Variants in ASPG observed in about 807,000 individuals in gnomAD.
ASPG encodes asparaginase, also known as 60 kDa lysophospholipase.
Under a neutral mutation model 63.2 loss-of-function variants are expected in ASPG, and 53 were observed. That is an observed-to-expected ratio of 0.84 (90% CI 0.67 to 1.05). The LOEUF (loss-of-function observed/expected upper bound fraction) is 1.05. ASPG is among the 50% of genes least tolerant of loss of function. The pLI, the probability that ASPG is intolerant of heterozygous loss-of-function variation, is 0.00. For missense variants in ASPG, 741 were observed against 794.4 expected (o/e 0.93, Z 0.81); for synonymous variants, 370 against 355.0 (o/e 1.04, Z -0.48).
At chr14:104,105,276 G>A in intron 9 of ASPG, 52 bp from the exon 10 acceptor site, 1 of 1,612,348 alleles carries the variant, frequency 6.2e-7, no homozygotes, top group Non-Finnish European at 8.5e-7. Flanking sequence ...GGCTGTCCTG[G>A]GCTGCCCATC....
At chr14:104,095,043 G>C (rs2036535474) in intron 3 of ASPG, among the ~76,000 whole-genome samples, 1 of 152,200 alleles carries the variant, frequency 6.6e-6, no homozygotes, top group Non-Finnish European at 1.5e-5. Flanking sequence ...CTGCCCTTCG[G>C]TGTCCTGCCC....
chr14:104,093,660 G>GTGGGGGGGGCTGGGGAATGC, intron 3 of ASPG, 58 bp downstream of exon 3: 1 of 894,048 alleles, frequency 1.1e-6, no homozygotes, highest in Admixed American at 4.5e-5. Context: ...GCTGAGGTGT[G>GTGGGGGGGGCTGGGGAATGC]TGGGTGGGGC....
At position 104,115,114 on chromosome 14, in the gene ASPG, G is replaced by A. The variant is rs996215921; in HGVS notation, c.*2570G>A. ...CTGGGGAACATCTCCTCTCCATCACGACTACTGTCTTTTTCACCAGCATTT... is the reference window on the plus strand; with the variant it reads ...CTGGGGAACATCTCCTCTCCATCACAACTACTGTCTTTTTCACCAGCATTT... On this transcript the variant is annotated 3_prime_UTR_variant, in exon 16 of 16. Coordinates refer to ENST00000551177, the MANE Select transcript of ASPG (RefSeq NM_001080464.3). 2 of 152,202 alleles carry A rather than the reference G, an allele frequency of 1.3e-5. No homozygotes were observed. Among genetic ancestry groups the A allele is most frequent in the Admixed American group, 6.5e-5 (1 of 15,282 alleles). 9.4% of individuals were successfully genotyped at this position (152,202 alleles called of 1,614,324 possible).
chr14:104,102,917 G>A (rs995136581), intron 6 of ASPG, among the ~76,000 whole-genome samples: 1 of 152,204 alleles, frequency 6.6e-6, no homozygotes, highest in African/African-American at 2.4e-5. Context: ...CCCTGGGTGT[G>A]GGGAGGGGGT....
At position 104,095,574 on chromosome 14, in the gene ASPG, C is replaced by T; in HGVS notation, c.347C>T (p.Thr116Ile). The change falls in exon 4 of 16, where the codon ACC (threonine) becomes ATC (isoleucine). Residue 116 changes from threonine (T) to isoleucine (I), a missense_variant. Thr to Ile is a moderately conservative substitution (Grantham distance 89). Coordinates refer to ENST00000551177, the MANE Select transcript of ASPG (RefSeq NM_001080464.3). Reference protein sequence around the residue: ...QYHGFVVIHGTDTMAFAASML... With the variant: ...QYHGFVVIHGIDTMAFAASML... ...CACGGCTTTGTGGTCATCCACGGCA[C>T]CGACACCATGGCCTTTGCTGCCTCG... The T allele has an allele frequency of 6.2e-7, 1 of 1,613,248 alleles. No individual in the cohort carries two copies.
intron 6 of ASPG, among the ~76,000 whole-genome samples, chr14:104,100,189 A>G (rs1225424966): frequency 6.6e-6 from 1 of 152,166 alleles, no homozygotes; most frequent in African/African-American, 2.4e-5. Flanking sequence ...GACACAGGCA[A>G]GGACCCTGGG....
intron 6 of ASPG, among the ~76,000 whole-genome samples, chr14:104,100,874 A>G (rs2036843943): frequency 6.6e-6 from 1 of 152,148 alleles, no homozygotes; most frequent in African/African-American, 2.4e-5. Context: ...GGTGCCCTGC[A>G]GGCCCGGCTC....
intron 12 of ASPG, chr14:104,108,937 C>A: frequency 1.0e-6 from 1 of 985,396 alleles, no homozygotes; most frequent in Non-Finnish European, 1.2e-6. Flanking sequence ...TAATGCCCTC[C>A]CCTGGGTGCT....
chr14:104,110,828 G>T lies in ASPG; in HGVS notation c.1521-674G>T, dbSNP rs1053402491. The T allele has an allele frequency of 2.9e-5, 29 of 985,354 alleles. No individual in the cohort carries two copies. The highest frequency in any genetic ancestry group is 3.0e-5 in the Non-Finnish European group (25 of 829,884). 61.0% of individuals were successfully genotyped at this position (985,354 alleles called of 1,614,324 possible). A position where few individuals can be genotyped will look rare whatever the true frequency, so the allele number is the denominator to read the frequency against. On this transcript the variant is annotated intron_variant, in intron 13 of 15. Coordinates refer to ENST00000551177, the MANE Select transcript of ASPG (RefSeq NM_001080464.3). This position sits in a 1 kb window ranked among gnomAD's most constrained non-coding sequence, Gnocchi z 4.7. ...CCTGGCCTGCTCCTGGCCTCCCCAG[G>T]TGGCGAGTGAGTTCTTCCCAGGAGG... is the stretch of plus-strand genomic sequence containing the variant.
rs113459281 is a variant in ASPG, at chr14:104,098,086, G to A, written c.513+449G>A. Among the ~76,000 whole-genome samples, 15 of 96,060 alleles carry A rather than the reference G, an allele frequency of 1.6e-4. 1 individual carries two copies. The highest frequency in any genetic ancestry group is 4.0e-4 in the South Asian group (1 of 2,530). 63.0% of individuals were successfully genotyped at this position (96,060 alleles called of 152,430 possible). Reference sequence around the variant, plus strand: ...CGTATGGAGGTTTTGCGTTAGAGATGCGTATGGAGGTTCTGCGTTAGAGAT... The same window carrying A: ...CGTATGGAGGTTTTGCGTTAGAGATACGTATGGAGGTTCTGCGTTAGAGAT... On this transcript the variant is annotated intron_variant, in intron 5 of 15. Coordinates refer to ENST00000551177, the MANE Select transcript of ASPG (RefSeq NM_001080464.3).
At chr14:104,085,884 C>T in intron 1 of ASPG, 32 bp downstream of exon 1, 1 of 1,545,456 alleles carries the variant, frequency 6.5e-7, no homozygotes, top group South Asian at 1.2e-5. Context: ...GGGTAGGCCT[C>T]TGGACCTGGC....
chr14:104,104,567 T>A (rs1744299), intron 8 of ASPG, 55 bp from the exon 9 acceptor site: 1 of 1,582,850 alleles, frequency 6.3e-7, no homozygotes, highest in Non-Finnish European at 8.6e-7. Flanking sequence ...CCACCCCTCA[T>A]GGGCTGGGGG....
At position 104,105,382 on chromosome 14, in the gene ASPG, C is replaced by G; in HGVS notation, c.1105C>G (p.Arg369Gly). The change falls in exon 10 of 16, where the codon CGG becomes GGG. Residue 369 changes from arginine to glycine, a missense_variant. By Grantham distance (125) the Arg-to-Gly change is moderately radical. Transcript: ENST00000551177. ...EMTPPSVEER[R>G]PSLQGNTLGG... ...GACGCCACCCTCGGTGGAAGAGCGC[C>G]GGCCCTCACTGCAGGGCAACACGCT... The G allele has an allele frequency of 6.2e-7, 1 of 1,612,526 alleles. No individual in the cohort carries two copies.
rs749128644 is a variant in ASPG, at chr14:104,109,191, G to T, written c.1434-38G>T. ...GAGTGAGGTGCAGCGGGGCTGGGCT[G>T]GCCAGGGCAGAAGGTCAGCATGCTC... On this transcript the variant is annotated intron_variant, in intron 12 of 15. Transcript: ENST00000551177. This position sits in a 1 kb window ranked among gnomAD's most constrained non-coding sequence, Gnocchi z 4.8. 6.2e-7 allele frequency: 1 copy of T among 1,608,278 alleles called. No homozygotes were observed. Among genetic ancestry groups the T allele is most frequent in the South Asian group, 1.1e-5 (1 of 89,768 alleles).
chr14:104,088,228 T>G lies in ASPG; in HGVS notation c.82+2376T>G, dbSNP rs561092661. On this transcript the variant is annotated intron_variant, in intron 1 of 15. Coordinates refer to ENST00000551177, the MANE Select transcript of ASPG (RefSeq NM_001080464.3). The stretch of plus-strand genomic sequence containing the variant: ...GTGGCTTTGCCCTAGTAAAGCTGTT[T>G]GATTGTCGCTGTTGGAACGGCTTCT... 1.3e-4 allele frequency among the ~76,000 whole-genome samples: 20 copies of G among 152,260 alleles called. 1 individual carries two copies. In the South Asian group the frequency reaches 4.1e-3, roughly 32 times the overall value.
In ASPG at chr14:104,109,264, G is replaced by C; in HGVS notation, c.1469G>C (p.Gly490Ala). The C allele has an allele frequency of 6.2e-7, 1 of 1,613,234 alleles. No individual in the cohort carries two copies. Among genetic ancestry groups the C allele is most frequent in the Non-Finnish European group, 8.5e-7 (1 of 1,179,768 alleles). ...PGVIGLLREA[G>A]ASLSTQELEE... ...GTCATTGGGTTGCTGCGGGAAGCCG[G>C]GGCCTCCCTGTCCACCCAGGAGCTG... is the stretch of plus-strand genomic sequence containing the variant. Residue 490 changes from glycine (G) to alanine (A), a missense_variant, in exon 13 of 16, where the codon GGG (glycine) becomes GCG (alanine). By Grantham distance (60) the Gly-to-Ala change is moderately conservative. Coordinates refer to ENST00000551177, the MANE Select transcript of ASPG (RefSeq NM_001080464.3). This position sits in a 1 kb window ranked among gnomAD's most constrained non-coding sequence, Gnocchi z 4.8.
rs777600757 is a variant in ASPG at position 104,093,602 on chromosome 14, G to T, written c.303G>T (p.Lys101Asn). ...GGGTTTGCCTTGCCCAGACCATCAAGGTAGTGGGGCTGGGGAATGCTGGGT... is the reference window on the plus strand; with the variant it reads ...GGGTTTGCCTTGCCCAGACCATCAATGTAGTGGGGCTGGGGAATGCTGGGT... Reference protein sequence around the residue: ...AEWVCLAQTIKRHYEQYHGFV... With the variant: ...AEWVCLAQTINRHYEQYHGFV... Residue 101 changes from lysine to asparagine, a missense_variant and splice_region_variant, in exon 3 of 16, where the codon AAG becomes AAT. Coordinates refer to ENST00000551177, the MANE Select transcript of ASPG (RefSeq NM_001080464.3). 6.3e-7 allele frequency: 1 copy of T among 1,595,982 alleles called. No homozygotes were observed. The highest frequency in any genetic ancestry group is 1.7e-5 in the Admixed American group (1 of 59,322).
intron 1 of ASPG, among the ~76,000 whole-genome samples, chr14:104,086,240 C>T (rs2036219284): frequency 6.6e-6 from 1 of 152,132 alleles, no homozygotes; most frequent in Non-Finnish European, 1.5e-5. Flanking sequence ...CTGGAGAAGG[C>T]TTAGGAGGCT....
At chr14:104,108,681 G>C (rs1361764672) in intron 12 of ASPG, 1 of 985,314 alleles carries the variant, frequency 1.0e-6, no homozygotes, top group African/African-American at 1.7e-5. Flanking sequence ...CCTTGCTAGA[G>C]CCCCGACCCC....
Sources: gnomAD v4.1 joint callset for allele counts (sites outside exome capture counted in the v4.1 genomes callset) on GRCh38, gnomAD v4.1.1 for gene constraint, Gnocchi (gnomAD v3.1) non-coding constraint, MANE v1.5 for transcripts, NCBI Gene and HGNC (gene_info 2026-07-23, HGNC 2026-07-21) for gene names.